BTF3: variants seen among roughly 807,000 people sequenced by gnomAD.
BTF3 encodes transcription factor BTF3.
A neutral mutation model predicts 23.9 loss-of-function variants in BTF3; 12 were observed. That is an observed-to-expected ratio of 0.50 (90% CI 0.32 to 0.81). The LOEUF is 0.81. BTF3 is among the 40% of genes least tolerant of loss of function. The probability of loss-of-function intolerance (pLI) is 0.03; values close to 1 mark genes in which losing one functional copy is unlikely to be tolerated. For missense variants in BTF3, 215 were observed against 255.9 expected (o/e 0.84, Z 1.09); for synonymous variants, 96 against 94.8 (o/e 1.01, Z -0.07).
chr5:73,505,175 TCTTTTC>T lies in BTF3; in HGVS notation c.575-8_575-3del, dbSNP rs1460771158. The T allele has an allele frequency of 1.9e-6, 3 of 1,606,324 alleles. No homozygotes were observed. Among genetic ancestry groups the T allele is most frequent in the Non-Finnish European group, 2.5e-6 (3 of 1,177,598 alleles). ...ATTTGGCTTTTTTAAGAATTTCTAC[TCTTTTC>T]CTTTTCCTAGATCTTGTGGAGAATT... On this transcript the variant is annotated splice_polypyrimidine_tract_variant and intron_variant, in intron 5 of 5. Transcript: ENST00000380591.
At chr5:73,503,963 T>A (rs537382054) in intron 4 of BTF3, among the ~76,000 whole-genome samples, 2 of 152,192 alleles carry the variant, frequency 1.3e-5, no homozygotes, top group Non-Finnish European at 2.9e-5. Context: ...ATCACCCTTA[T>A]GCCACACACA....
intron 5 of BTF3, 196 bp downstream of exon 5, chr5:73,504,599 G>T: frequency 2.4e-6 from 1 of 423,584 alleles, no homozygotes; most frequent in East Asian, 3.9e-5. Context: ...TTTCTGTTTG[G>T]GATCCCAAGG....
chr5:73,498,853 A>C (rs1204455972), intron 1 of BTF3, 54 bp downstream of exon 1: 1 of 1,469,734 alleles, frequency 6.8e-7, no homozygotes, highest in Non-Finnish European at 8.9e-7. Context: ...GGCTAGGCCG[A>C]GGCCAGGCCA....
At position 73,498,534 on chromosome 5, in the gene BTF3, G is replaced by A. The variant is rs906076652; in HGVS notation, c.-134G>A. ...TTGAGCACCAACCCTAGTCCCCCGC[G>A]CGGCCCCTTATTCGCTCCGACAAGG... On this transcript the variant is annotated 5_prime_UTR_variant, in exon 1 of 6. Coordinates refer to ENST00000380591, the MANE Select transcript of BTF3 (RefSeq NM_001037637.2). 3.1e-6 allele frequency: 4 copies of A among 1,310,608 alleles called. No homozygotes were observed. In the South Asian group the frequency reaches 6.9e-5, roughly 23 times the overall value. The allele number at this position is 1,310,608 out of a possible 1,614,324, so 81.2% of individuals were successfully genotyped here. A position where few individuals can be genotyped will look rare whatever the true frequency, so the allele number is the denominator to read the frequency against.
intron 4 of BTF3, 31 bp from the exon 5 acceptor site, chr5:73,504,316 G>A: frequency 6.0e-6 from 3 of 499,782 alleles, no homozygotes; most frequent in Non-Finnish European, 9.5e-6. Flanking sequence ...TAAAAACCTA[G>A]ACAAATAATG....
intron 1 of BTF3, 129 bp from the exon 2 acceptor site, chr5:73,499,005 G>A: frequency 8.0e-7 from 1 of 1,257,480 alleles, no homozygotes; most frequent in East Asian, 2.5e-5. Flanking sequence ...GCTTTGCGGG[G>A]TGGATTTGGG....
intron 3 of BTF3, 76 bp downstream of exon 3, chr5:73,502,677 GTTTT>G (rs35246204): frequency 1.1e-3 from 893 of 802,732 alleles, no homozygotes; most frequent in East Asian, 5.7e-3. Flanking sequence ...TAAATGGGTT[GTTTT>G]TTTTTTTTTT....
chr5:73,501,719 C>T lies in BTF3; in HGVS notation c.202-769C>T, dbSNP rs200471617. Reference sequence around the variant, plus strand: ...GCAGTCAGGAGTGGCATATTAAGGGCAGGACAGTTTGTGTAGGGCTCTTGT... The same window carrying T: ...GCAGTCAGGAGTGGCATATTAAGGGTAGGACAGTTTGTGTAGGGCTCTTGT... On this transcript the variant is annotated intron_variant, in intron 2 of 5. Transcript: ENST00000380591. 1.1e-4 allele frequency among the ~76,000 whole-genome samples: 16 copies of T among 152,222 alleles called. No individual in the cohort carries two copies. In the East Asian group the frequency reaches 1.4e-3, roughly 13 times the overall value.
At chr5:73,501,143 A>C (rs1267390285) in intron 2 of BTF3, among the ~76,000 whole-genome samples, 1 of 152,218 alleles carries the variant, frequency 6.6e-6, no homozygotes, top group Non-Finnish European at 1.5e-5. Context: ...AAGCATTTTC[A>C]AAATCTAGAG....
At chr5:73,504,840 T>TTA in intron 5 of BTF3, 1 of 221,268 alleles carries the variant, frequency 4.5e-6, no homozygotes. Context: ...CTCTTACCTG[T>TTA]TATTGGATAA....
At chr5:73,502,810 T>C in intron 3 of BTF3, 106 bp from the exon 4 acceptor site, 2 of 1,183,154 alleles carry the variant, frequency 1.7e-6, no homozygotes, top group Non-Finnish European at 1.2e-6. Flanking sequence ...AAATTTCACC[T>C]GTGCTTCACA....
intron 3 of BTF3, 120 bp from the exon 4 acceptor site, chr5:73,502,796 G>A: frequency 9.4e-7 from 1 of 1,059,836 alleles, no homozygotes; most frequent in South Asian, 1.6e-5. Context: ...TTCCATTCCA[G>A]GCAAAATTTC....
intron 5 of BTF3, 35 bp from the exon 6 acceptor site, chr5:73,505,157 T>A: frequency 1.3e-6 from 2 of 1,589,300 alleles, no homozygotes; most frequent in Non-Finnish European, 1.7e-6. Context: ...TAGATTTGGC[T>A]TTTTTAAGAA....
At chr5:73,499,309 A>G (rs1159690591) in intron 2 of BTF3, 107 bp downstream of exon 2, 4 of 1,237,814 alleles carry the variant, frequency 3.2e-6, no homozygotes, top group Admixed American at 1.9e-5. Flanking sequence ...AACTTTGCCT[A>G]TCGAGGGAAA....
chr5:73,505,215 G>C lies in BTF3; in HGVS notation c.598G>C (p.Ala200Pro). 1 of 1,609,586 alleles carries C rather than the reference G, an allele frequency of 6.2e-7. No homozygotes were observed. The highest frequency in any genetic ancestry group is 8.5e-7 in the Non-Finnish European group (1 of 1,179,258). ...VPDLVENFDE[A>P]SKNEAN ...AGATCTTGTGGAGAATTTTGATGAG[G>C]CTTCCAAGAATGAGGCAAACTGAAT... is the stretch of plus-strand genomic sequence containing the variant. The change falls in exon 6 of 6, where the codon GCT becomes CCT. Residue 200 changes from alanine to proline, a missense_variant. Ala to Pro is a conservative substitution (Grantham distance 27, BLOSUM62 -1). Around this residue, in one of 2 missense-constraint regions of BTF3, gnomAD observed 99 missense variants for 171.2 expected, o/e 0.58. Transcript: ENST00000380591.
In BTF3 at chr5:73,502,809, C is replaced by G. The variant is rs182373192; in HGVS notation, c.316-107C>G. ...TATTCCATTCCAGGCAAAATTTCAC[C>G]TGTGCTTCACAGTGAAATACTAGTT... On this transcript the variant is annotated intron_variant, in intron 3 of 5. Transcript: ENST00000380591. 5.8e-5 allele frequency: 68 copies of G among 1,171,826 alleles called. No individual in the cohort carries two copies. The African/African-American group carries it at 9.6e-4, about 17-fold the overall frequency. 72.6% of individuals were successfully genotyped at this position (1,171,826 alleles called of 1,614,324 possible).
chr5:73,498,743 G>T lies in BTF3; in HGVS notation c.76G>T (p.Glu26Ter). 6.7e-7 allele frequency: 1 copy of T among 1,492,534 alleles called. No homozygotes were observed. Among genetic ancestry groups the T allele is most frequent in the Non-Finnish European group, 8.8e-7 (1 of 1,131,498 alleles). The allele number at this position is 1,492,534 out of a possible 1,614,324, so 92.5% of individuals were successfully genotyped here. A position where few individuals can be genotyped will look rare whatever the true frequency, so the allele number is the denominator to read the frequency against. Reference protein sequence around the residue: ...GRARGGCPGGEATLSQPPPRG... With the variant: ...GRARGGCPGG ...AGCCAGGGGCGGCTGCCCTGGGGGCGAGGCGACGCTGTCTCAACCTCCACC... is the reference window on the plus strand; with the variant it reads ...AGCCAGGGGCGGCTGCCCTGGGGGCTAGGCGACGCTGTCTCAACCTCCACC... The change falls in exon 1 of 6, where the codon GAG (glutamate) becomes TAG (stop). Residue 26 changes from glutamate (E) to a stop codon, truncating the protein, a stop_gained. Transcript: ENST00000380591. LOFTEE classifies it high-confidence loss of function.
intron 2 of BTF3, among the ~76,000 whole-genome samples, chr5:73,501,523 C>G (rs779993262): frequency 3.3e-5 from 5 of 152,140 alleles, no homozygotes; most frequent in Non-Finnish European, 5.9e-5. Flanking sequence ...TTGAGAAAGA[C>G]CACTTTGATC....
chr5:73,499,571 C>T, intron 2 of BTF3: 1 of 360,240 alleles, frequency 2.8e-6, no homozygotes, highest in Non-Finnish European at 5.4e-6. Context: ...GTTTGTCTCT[C>T]TTGTAAATTG....
Sources: allele counts gnomAD v4.1 joint callset (sites outside exome capture counted in the v4.1 genomes callset), GRCh38; gene constraint gnomAD v4.1.1; regional missense constraint gnomAD v4.1.1; transcripts MANE v1.5; gene names NCBI Gene and HGNC (gene_info 2026-07-23, HGNC 2026-07-21).